PDE6D: variants seen among roughly 807,000 people sequenced by gnomAD.
PDE6D encodes the protein phosphodiesterase 6D.
Under a neutral mutation model 21.9 loss-of-function variants are expected in PDE6D, and 10 were observed. The observed-to-expected ratio is 0.46, with a 90% CI of 0.28 to 0.78. The LOEUF is 0.78. PDE6D is among the 30% of genes least tolerant of loss of function. The pLI is 0.12. For synonymous variants in PDE6D, 59 were observed against 63.5 expected (o/e 0.93, Z 0.34); for missense variants, 139 against 184.8 (o/e 0.75, Z 1.44).
At chr2:231,754,226 T>C (rs1298378430) in intron 1 of PDE6D, among the ~76,000 whole-genome samples, 2 of 152,146 alleles carry the variant, frequency 1.3e-5, no homozygotes, top group Non-Finnish European at 2.9e-5. Context: ...TGGCTACAAG[T>C]GCCCCAGATG....
chr2:231,755,220 C>G (rs1430283949), intron 1 of PDE6D, among the ~76,000 whole-genome samples: 1 of 152,090 alleles, frequency 6.6e-6, no homozygotes, highest in African/African-American at 2.4e-5. Context: ...TATAAACCAC[C>G]CAGTCTTTGG....
intron 1 of PDE6D, among the ~76,000 whole-genome samples, chr2:231,773,546 T>C (rs2049031044): frequency 3.3e-5 from 5 of 152,230 alleles, no homozygotes; most frequent in Admixed American, 3.3e-4. Context: ...ACTATTCTTA[T>C]TCTTTATTCT....
chr2:231,763,031 G>C (rs565893492), intron 1 of PDE6D, among the ~76,000 whole-genome samples: 10 of 152,270 alleles, frequency 6.6e-5, no homozygotes, highest in African/African-American at 2.4e-4. Context: ...GGTTCTAAGA[G>C]CAGTTGTTAA....
intron 1 of PDE6D, among the ~76,000 whole-genome samples, chr2:231,743,846 C>T (rs977877731): frequency 1.1e-4 from 17 of 152,102 alleles, no homozygotes; most frequent in African/African-American, 2.7e-4. Flanking sequence ...AGCTTCCCAA[C>T]GGCAGAAGGA....
Position 231,735,072 on chromosome 2 carries a change from C to T in PDE6D, c.372-2039G>A, listed in dbSNP as rs1208595348. ...CCTGGCTAACATGGTGAAACCCCGT[C>T]TCTACTAAAAATACGAAAAATTAGC... On this transcript the variant is annotated intron_variant, in intron 4 of 4. Coordinates refer to ENST00000287600, the MANE Select transcript of PDE6D (RefSeq NM_002601.4). Among the ~76,000 whole-genome samples, 3 of 147,214 alleles carry T rather than the reference C, an allele frequency of 2.0e-5. No homozygotes were observed. In the East Asian group the frequency reaches 6.4e-4, roughly 31 times the overall value.
chr2:231,765,503 G>GGGC (rs1317931622), intron 1 of PDE6D, among the ~76,000 whole-genome samples: 2 of 152,232 alleles, frequency 1.3e-5, no homozygotes, highest in East Asian at 3.9e-4. Context: ...AATTATATAT[G>GGGC]GGCATGTGGC....
chr2:231,732,874 C>A lies in PDE6D; in HGVS notation c.*78G>T. On this transcript the variant is annotated 3_prime_UTR_variant, in exon 5 of 5. Coordinates refer to ENST00000287600, the MANE Select transcript of PDE6D (RefSeq NM_002601.4). ...AGGGGTGTATGTGTCAAAAATCAAA[C>A]GTGTGGAGGAAAAAAGTAAACAGTT... 1.1e-6 allele frequency: 1 copy of A among 934,406 alleles called. No individual in the cohort carries two copies. The highest frequency in any genetic ancestry group is 1.7e-6 in the Non-Finnish European group (1 of 575,526). The allele number at this position is 934,406 out of a possible 1,614,324, so 57.9% of individuals were successfully genotyped here.
At chr2:231,763,542 A>C (rs139500015) in intron 1 of PDE6D, among the ~76,000 whole-genome samples, 335 of 152,280 alleles carry the variant, frequency 2.2e-3, no homozygotes, top group African/African-American at 7.7e-3. Context: ...TGTGTTTAAA[A>C]TTTTTAATAA....
At chr2:231,747,279 CG>C (rs1352188822) in intron 1 of PDE6D, among the ~76,000 whole-genome samples, 4 of 152,074 alleles carry the variant, frequency 2.6e-5, no homozygotes, top group Admixed American at 2.6e-4. Context: ...TTAGTAGAGA[CG>C]GGGTTTCACC....
intron 1 of PDE6D, among the ~76,000 whole-genome samples, chr2:231,766,892 T>C (rs1044370965): frequency 6.8e-6 from 1 of 147,984 alleles, no homozygotes; most frequent in Non-Finnish European, 1.5e-5. Context: ...CTCGGGAGGC[T>C]GAGGCTACTC....
At chr2:231,775,816 G>A (rs1220633533) in intron 1 of PDE6D, among the ~76,000 whole-genome samples, 1 of 151,770 alleles carries the variant, frequency 6.6e-6, no homozygotes, top group Non-Finnish European at 1.5e-5. Context: ...TAAATAAATG[G>A]AGACAATAAG....
chr2:231,774,184 C>T (rs1050254687), intron 1 of PDE6D, among the ~76,000 whole-genome samples: 1 of 152,026 alleles, frequency 6.6e-6, no homozygotes, highest in Non-Finnish European at 1.5e-5. Context: ...CCACCCACCT[C>T]GGCCTCCCAA....
intron 1 of PDE6D, among the ~76,000 whole-genome samples, chr2:231,765,899 T>C (rs2048967452): frequency 6.6e-6 from 1 of 152,226 alleles, no homozygotes; most frequent in African/African-American, 2.4e-5. Flanking sequence ...TTTCCTTCTC[T>C]TACTCCCACT....
chr2:231,754,582 G>A (rs1346932634), intron 1 of PDE6D, among the ~76,000 whole-genome samples: 1 of 149,168 alleles, frequency 6.7e-6, no homozygotes, highest in Non-Finnish European at 1.5e-5. Flanking sequence ...ATGTTGGCCA[G>A]GCTGGTCTTG....
chr2:231,742,907 G>A (rs539409532), intron 1 of PDE6D, among the ~76,000 whole-genome samples: 1 of 152,282 alleles, frequency 6.6e-6, no homozygotes, highest in East Asian at 1.9e-4. Context: ...TCAGGGTGGG[G>A]GCAGCAGGGG....
At chr2:231,780,313 G>A (rs889223408) in intron 1 of PDE6D, among the ~76,000 whole-genome samples, 1 of 152,136 alleles carries the variant, frequency 6.6e-6, no homozygotes, top group African/African-American at 2.4e-5. Flanking sequence ...ACCTCGGCTA[G>A]GAGTCCCAGC....
intron 1 of PDE6D, among the ~76,000 whole-genome samples, chr2:231,773,926 T>C (rs1422095706): frequency 6.6e-6 from 1 of 152,006 alleles, no homozygotes; most frequent in Non-Finnish European, 1.5e-5. Context: ...ATTAACACTA[T>C]TGTCATTATT....
chr2:231,737,359 C>T, intron 3 of PDE6D, 67 bp from the exon 4 acceptor site: 1 of 812,866 alleles, frequency 1.2e-6, no homozygotes, highest in Non-Finnish European at 2.1e-6. Context: ...CTCTTTGTCT[C>T]CCTCTCTAGA....
At chr2:231,752,992 C>T (rs1468013462) in intron 1 of PDE6D, among the ~76,000 whole-genome samples, 3 of 150,556 alleles carry the variant, frequency 2.0e-5, no homozygotes, top group Admixed American at 2.0e-4. Flanking sequence ...CCACCACGCC[C>T]GGCTAATTTT....
Sources: gnomAD v4.1 joint callset for allele counts (sites outside exome capture counted in the v4.1 genomes callset) on GRCh38, gnomAD v4.1.1 for gene constraint, MANE v1.5 for transcripts, NCBI Gene and HGNC (gene_info 2026-07-23, HGNC 2026-07-21) for gene names.